The following USP54 variants were observed in gnomAD, a reference collection of about 807,000 sequenced individuals.
USP54 encodes the protein ubiquitin specific peptidase 54, also known as ubiquitin carboxyl-terminal hydrolase 54.
USP54 carries 87 observed loss-of-function variants against 170.5 expected under a neutral mutation model. The observed-to-expected ratio is 0.51, with a 90% CI of 0.43 to 0.61. USP54 has a LOEUF of 0.61. Ranked by LOEUF, USP54 falls within the 20% of genes least tolerant of loss-of-function variation. The probability of loss-of-function intolerance (pLI) is 0.00; values close to 1 mark genes in which losing one functional copy is unlikely to be tolerated. For synonymous variants in USP54, 655 were observed against 742.8 expected, an observed-to-expected ratio of 0.88 and a Z score of 1.92; for missense variants, 1,786 against 2,047.8, an observed-to-expected ratio of 0.87 and a Z score of 2.47.
chr10:73,618,103 C>T (rs1045088560), intron 1 of USP54, among the ~76,000 whole-genome samples: 2 of 148,986 alleles, frequency 1.3e-5, no homozygotes, highest in Non-Finnish European at 2.9e-5. Context: ...CCCAGCTACT[C>T]GAGAGGCTGA....
At chr10:73,625,697 C>T (rs923323162), upstream of USP54, 1 of 153,554 alleles carries the variant, frequency 6.5e-6, no homozygotes, top group East Asian at 1.9e-4. Context: ...GCCCGCGCCC[C>T]CTGAACCCCA....
At chr10:73,553,328 T>C (rs1387048757) in intron 4 of USP54, 2 of 152,226 alleles carry the variant, frequency 1.3e-5, no homozygotes, top group Non-Finnish European at 2.9e-5. Flanking sequence ...TCAGTCTTGC[T>C]CTGCTATTGT....
intron 12 of USP54, 141 bp from the exon 13 acceptor site, chr10:73,530,976 T>C: frequency 8.3e-7 from 1 of 1,207,798 alleles, no homozygotes. Context: ...GGCTATCTGA[T>C]TTCAGTGTAG....
intron 3 of USP54, among the ~76,000 whole-genome samples, chr10:73,571,730 T>C (rs938704302): frequency 6.6e-6 from 1 of 152,100 alleles, no homozygotes; most frequent in Non-Finnish European, 1.5e-5. Context: ...AATTTGAACA[T>C]AAAGTGAAGG....
rs566526431 is a variant in USP54, at chr10:73,517,375, T to A, written c.3051A>T (p.Gly1017=). 24 of 1,613,612 alleles carry A rather than the reference T, an allele frequency of 1.5e-5. No homozygotes were observed. The East Asian group carries it at 4.2e-4, about 28-fold the overall frequency. Reference sequence around the variant, plus strand: ...ACAGCTGTTCTTGAGCAATGCCTCTTCCTTCTTGTGGAGGGAGCTTGCTGC... The same window carrying A: ...ACAGCTGTTCTTGAGCAATGCCTCTACCTTCTTGTGGAGGGAGCTTGCTGC... ...SSCSKLPPQE[G]RGIAQEQLFQ... Residue 1017 remains glycine, a synonymous_variant, in exon 20 of 24, where the codon GGA becomes GGT. Coordinates refer to ENST00000687698, the MANE Select transcript of USP54 (RefSeq NM_001391956.1).
intron 3 of USP54, 119 bp downstream of exon 3, chr10:73,575,393 T>C: frequency 8.5e-7 from 1 of 1,179,234 alleles, no homozygotes. Context: ...GTAAAAATTA[T>C]CTCAGGTTAC....
intron 4 of USP54, among the ~76,000 whole-genome samples, chr10:73,570,623 T>G (rs1211229602): frequency 6.7e-6 from 1 of 150,152 alleles, no homozygotes; most frequent in African/African-American, 2.4e-5. Context: ...TGATCAGAAC[T>G]GCAGCTTTTA....
At chr10:73,572,863 T>C (rs1392495284) in intron 3 of USP54, among the ~76,000 whole-genome samples, 1 of 151,978 alleles carries the variant, frequency 6.6e-6, no homozygotes, top group East Asian at 1.9e-4. Flanking sequence ...ATAGACCACA[T>C]AGAAAAAAAC....
intron 1 of USP54, chr10:73,615,269 G>A (rs980202143): frequency 1.3e-5 from 2 of 150,322 alleles, no homozygotes; most frequent in Non-Finnish European, 2.9e-5. Context: ...TGAGGGACAA[G>A]AATCGCTTGA....
At chr10:73,607,251 C>T (rs1374555443) in intron 1 of USP54, among the ~76,000 whole-genome samples, 1 of 150,362 alleles carries the variant, frequency 6.7e-6, no homozygotes, top group African/African-American at 2.4e-5. Flanking sequence ...GAGCCATAAT[C>T]CTGCCATTGC....
chr10:73,534,695 TGGTGG>T lies in USP54; in HGVS notation c.1215_1219del (p.His406Ter). The T allele has an allele frequency of 6.2e-7, 1 of 1,614,138 alleles. No individual in the cohort carries two copies. The highest frequency in any genetic ancestry group is 8.5e-7 in the Non-Finnish European group (1 of 1,180,000). The stretch of plus-strand genomic sequence containing the variant: ...AGAGAAGTGACTGACCACAGACTCA[TGGTGG>T]GAATGTTTGTAGGGATAGCTCTCCG... On this transcript the variant is annotated frameshift_variant, in exon 12 of 24. Coordinates refer to ENST00000687698, the MANE Select transcript of USP54 (RefSeq NM_001391956.1). LOFTEE classifies it high-confidence loss of function.
chr10:73,625,380 C>T, intron 1 of USP54, among the ~76,000 whole-genome samples: 1 of 152,038 alleles, frequency 6.6e-6, no homozygotes, highest in East Asian at 1.9e-4. Context: ...GGAAAGGAGG[C>T]GGCGACGATC....
At chr10:73,594,359 C>G (rs2078546212), upstream of USP54, among the ~76,000 whole-genome samples, 1 of 152,142 alleles carries the variant, frequency 6.6e-6, no homozygotes, top group Non-Finnish European at 1.5e-5. Flanking sequence ...GTGTGAGCCA[C>G]TGTGCCCAGC....
rs1350485211 is a variant in USP54 at position 73,575,633 on chromosome 10, GA to G, written c.25del (p.Ser9GlnfsTer19). ...CCCTTGTACACTACCACGACCCCCT[GA>G]AAAATAATTTCTCTTCCAAGACATT... Reference protein sequence around the residue: MSWKRNYFSGGRGSVQGMF... With the variant: MSWKRNYFXGGRGSVQGMF... On this transcript the variant is annotated frameshift_variant, in exon 3 of 24. Coordinates refer to ENST00000687698, the MANE Select transcript of USP54 (RefSeq NM_001391956.1). LOFTEE classifies it high-confidence loss of function. 5 of 1,608,102 alleles carry G rather than the reference GA, an allele frequency of 3.1e-6. No homozygotes were observed. The highest frequency in any genetic ancestry group is 2.7e-5 in the African/African-American group (2 of 74,530).
chr10:73,499,456 C>T lies in USP54; in HGVS notation c.4496-268G>A. ...ACCTCCCTCCACTATAATCTCTCATCCACTATACACACACCTACAAAAGAA... is the reference window on the plus strand; with the variant it reads ...ACCTCCCTCCACTATAATCTCTCATTCACTATACACACACCTACAAAAGAA... On this transcript the variant is annotated intron_variant, in intron 23 of 23. Transcript: ENST00000687698. 1.5e-5 allele frequency: 6 copies of T among 402,708 alleles called. No homozygotes were observed. In the South Asian group the frequency reaches 2.1e-4, roughly 14 times the overall value. 24.9% of individuals were successfully genotyped at this position (402,708 alleles called of 1,614,324 possible).
In USP54 at chr10:73,619,278, A is replaced by C. The variant is rs1055343498; in HGVS notation, c.-18+6289T>G. On this transcript the variant is annotated intron_variant, in intron 1 of 22. Coordinates refer to the USP54 transcript ENST00000339859. ...AGTGTCTGTTAGTTACTCAGCCTGG[A>C]GCGCAGTAGTGGAATCATGGCTCAC... 1.3e-5 allele frequency among the ~76,000 whole-genome samples: 2 copies of C among 150,188 alleles called. 1 individual carries two copies. The highest frequency in any genetic ancestry group is 5.0e-5 in the African/African-American group (2 of 39,610).
At chr10:73,506,956 T>G (rs1005079192) in intron 20 of USP54, 1 of 152,180 alleles carries the variant, frequency 6.6e-6, no homozygotes, top group African/African-American at 2.4e-5. Flanking sequence ...ACATAATTTA[T>G]AGTAGCCAAG....
intron 20 of USP54, among the ~76,000 whole-genome samples, chr10:73,514,232 G>C (rs2133261534): frequency 6.6e-6 from 1 of 152,254 alleles, no homozygotes; most frequent in South Asian, 2.1e-4. Flanking sequence ...TGGGATTACA[G>C]GCATGAGCCA....
chr10:73,545,307 T>C (rs1056180016), intron 5 of USP54, among the ~76,000 whole-genome samples: 5 of 152,130 alleles, frequency 3.3e-5, no homozygotes, highest in African/African-American at 1.2e-4. Flanking sequence ...CCTCTGAAGG[T>C]GAGAGCTGAT....
Sources: allele counts gnomAD v4.1 joint callset (sites outside exome capture counted in the v4.1 genomes callset), GRCh38; gene constraint gnomAD v4.1.1; transcripts MANE v1.5; gene names NCBI Gene and HGNC (gene_info 2026-07-23, HGNC 2026-07-21).